SLC30A8: variants seen among roughly 807,000 people sequenced by gnomAD.
SLC30A8 encodes solute carrier family 30 member 8.
A neutral mutation model predicts 36.9 loss-of-function variants in SLC30A8; 27 were observed. That is an observed-to-expected ratio of 0.73 (90% CI 0.54 to 1.01). SLC30A8 has a LOEUF of 1.01. Among genes scored for constraint, SLC30A8 ranks in the 50% least tolerant of loss-of-function variants. The pLI is 0.00. For synonymous variants in SLC30A8, 164 were observed against 172.4 expected, an observed-to-expected ratio of 0.95 and a Z score of 0.38; for missense variants, 439 against 452.0, an observed-to-expected ratio of 0.97 and a Z score of 0.26.
At chr8:117,073,616 A>G (rs780269497) in intron 2 of SLC30A8, among the ~76,000 whole-genome samples, 1 of 152,204 alleles carries the variant, frequency 6.6e-6, no homozygotes, top group Admixed American at 6.5e-5. Flanking sequence ...ATAGGCCACT[A>G]TTCTTTAAAA....
At chr8:116,989,811 C>T (rs1436044280) in intron 1 of SLC30A8, among the ~76,000 whole-genome samples, 2 of 152,212 alleles carry the variant, frequency 1.3e-5, no homozygotes, top group Non-Finnish European at 2.9e-5. Context: ...GAAACAACTT[C>T]TTCCTGGGCC....
At chr8:116,984,264 A>G (rs1286746451) in intron 1 of SLC30A8, among the ~76,000 whole-genome samples, 1 of 152,168 alleles carries the variant, frequency 6.6e-6, no homozygotes, top group African/African-American at 2.4e-5. Flanking sequence ...TAAAGCTTCT[A>G]TGAATACTTA....
chr8:117,049,335 G>A (rs192264292), intron 2 of SLC30A8, among the ~76,000 whole-genome samples: 3 of 152,256 alleles, frequency 2.0e-5, no homozygotes, highest in Non-Finnish European at 4.4e-5. Context: ...AGATGTATAC[G>A]TAGTTACAGA....
chr8:117,127,365 G>A (rs1172615831), intron 2 of SLC30A8, among the ~76,000 whole-genome samples: 3 of 151,938 alleles, frequency 2.0e-5, no homozygotes, highest in African/African-American at 7.2e-5. Flanking sequence ...CTGAGTGTTT[G>A]TAAACACTAT....
intron 6 of SLC30A8, among the ~76,000 whole-genome samples, chr8:117,170,780 C>G (rs1823335773): frequency 6.6e-6 from 1 of 152,062 alleles, no homozygotes; most frequent in African/African-American, 2.4e-5. Context: ...TAATAGTATA[C>G]CATAAAAACT....
chr8:117,176,545 G>A lies in SLC30A8; in HGVS notation c.*3864G>A, dbSNP rs943385108. 2 of 152,406 alleles carry A rather than the reference G, an allele frequency of 1.3e-5. No homozygotes were observed. The highest frequency in any genetic ancestry group is 2.4e-5 in the African/African-American group (1 of 41,388). 9.4% of individuals were successfully genotyped at this position (152,406 alleles called of 1,614,324 possible). ...TTGACAGTGATGAGGCCACTTAACA[G>A]TCCAGCGCAGGCGGATGTTAAAAAA... On this transcript the variant is annotated 3_prime_UTR_variant, in exon 8 of 8. Transcript: ENST00000456015.
chr8:117,136,501 C>G (rs998347635), intron 1 of SLC30A8, among the ~76,000 whole-genome samples: 8 of 151,904 alleles, frequency 5.3e-5, no homozygotes, highest in African/African-American at 1.9e-4. Context: ...AGTAGTGATA[C>G]TATGTTTGGG....
chr8:117,175,094 C>T lies in SLC30A8; in HGVS notation c.*2413C>T, dbSNP rs866015284. On this transcript the variant is annotated 3_prime_UTR_variant, in exon 8 of 8. Coordinates refer to ENST00000456015, the MANE Select transcript of SLC30A8 (RefSeq NM_173851.3). ...ATTGTATTCTCTCCAGCTATCAAAA[C>T]ATTAATGATCTTTTATGTCTTTTTT... 3.6e-4 allele frequency: 55 copies of T among 152,040 alleles called. No homozygotes were observed. Among genetic ancestry groups the T allele is most frequent in the African/African-American group, 1.2e-3 (50 of 41,420 alleles). 9.4% of individuals were successfully genotyped at this position (152,040 alleles called of 1,614,324 possible).
chr8:117,153,156 G>A, intron 3 of SLC30A8, 66 bp downstream of exon 3: 2 of 1,447,962 alleles, frequency 1.4e-6, no homozygotes, highest in Non-Finnish European at 1.8e-6. Flanking sequence ...GGGTAAAAGT[G>A]GAAGACACGA....
At chr8:117,035,473 C>T (rs1176614412) in intron 1 of SLC30A8, among the ~76,000 whole-genome samples, 1 of 152,212 alleles carries the variant, frequency 6.6e-6, no homozygotes, top group Non-Finnish European at 1.5e-5. Flanking sequence ...CGTGGGCTCC[C>T]ACAGCCTTGG....
chr8:117,133,033 TTATAAA>T (rs1338838792), upstream of SLC30A8, among the ~76,000 whole-genome samples: 1 of 151,990 alleles, frequency 6.6e-6, no homozygotes, highest in Non-Finnish European at 1.5e-5. Context: ...TCCTAGTACT[TTATAAA>T]TATGTACATT....
At chr8:117,118,967 C>G (rs1820569006) in intron 2 of SLC30A8, among the ~76,000 whole-genome samples, 4 of 151,846 alleles carry the variant, frequency 2.6e-5, no homozygotes, top group African/African-American at 9.7e-5. Context: ...TCCTATGGGC[C>G]TCTGAGACAG....
At chr8:117,144,941 A>G (rs1821833587) in intron 1 of SLC30A8, among the ~76,000 whole-genome samples, 1 of 152,160 alleles carries the variant, frequency 6.6e-6, no homozygotes. Context: ...ATTTAGCTAA[A>G]TCCACATGCA....
At position 117,114,778 on chromosome 8, in the gene SLC30A8, A is replaced by G. The variant is rs73315695; in HGVS notation, c.-225-20502A>G. 3.9e-3 allele frequency among the ~76,000 whole-genome samples: 601 copies of G among 152,236 alleles called. 2 individuals carry two copies. The highest frequency in any genetic ancestry group is 0.012 in the African/African-American group (508 of 41,562). The stretch of plus-strand genomic sequence containing the variant: ...ATTCCATAGCAGTGTGAAAATGACC[A>G]ATTTCAGCCTCCAGAATCACAGAAG... On this transcript the variant is annotated intron_variant, in intron 2 of 10. Transcript: ENST00000427715.
At chr8:117,084,943 GTGTCTC>G (rs1195280510) in intron 2 of SLC30A8, among the ~76,000 whole-genome samples, 2 of 152,060 alleles carry the variant, frequency 1.3e-5, no homozygotes, top group Non-Finnish European at 2.9e-5. Context: ...GTTTGTATTT[GTGTCTC>G]TGAGGTATGG....
At chr8:117,051,690 G>A in intron 2 of SLC30A8, among the ~76,000 whole-genome samples, 1 of 152,090 alleles carries the variant, frequency 6.6e-6, no homozygotes, top group South Asian at 2.1e-4. Flanking sequence ...GCAGGCGCCT[G>A]TAGTCCCAGC....
intron 1 of SLC30A8, among the ~76,000 whole-genome samples, chr8:116,971,238 A>G (rs940217806): frequency 6.6e-6 from 1 of 152,212 alleles, no homozygotes; most frequent in African/African-American, 2.4e-5. Flanking sequence ...GCAAACCTAC[A>G]TATCCTGCAC....
intron 1 of SLC30A8, 35 bp from the exon 2 acceptor site, chr8:117,146,919 T>C: frequency 1.9e-6 from 3 of 1,612,002 alleles, no homozygotes; most frequent in East Asian, 2.2e-5. Flanking sequence ...TTTGCAACTA[T>C]GTTCACTTCT....
chr8:117,004,508 G>C (rs147490760), intron 1 of SLC30A8, among the ~76,000 whole-genome samples: 11 of 152,036 alleles, frequency 7.2e-5, no homozygotes, highest in Non-Finnish European at 1.6e-4. Context: ...TTTTGATGGC[G>C]TCAAGAGCGT....
Sources: gnomAD v4.1 joint callset for allele counts (sites outside exome capture counted in the v4.1 genomes callset) on GRCh38, gnomAD v4.1.1 for gene constraint, MANE v1.5 for transcripts, NCBI Gene and HGNC (gene_info 2026-07-23, HGNC 2026-07-21) for gene names.